MEIS2: variants seen among roughly 807,000 people sequenced by gnomAD.
MEIS2 encodes the protein homeobox protein Meis2.
In MEIS2, 9 loss-of-function variants were observed where a neutral mutation model predicts 58.6. That is an observed-to-expected ratio of 0.15 (90% confidence interval 0.09 to 0.27). The LOEUF (loss-of-function observed/expected upper bound fraction) is 0.27. Among genes scored for constraint, MEIS2 ranks in the 10% least tolerant of loss-of-function variants. MEIS2 has a pLI of 1.00. For synonymous variants in MEIS2, 221 were observed against 228.4 expected, an observed-to-expected ratio of 0.97 and a Z score of 0.29; for missense variants, 427 against 635.0, an observed-to-expected ratio of 0.67 and a Z score of 3.52.
chr15:37,065,907 G>A (rs1395411242), intron 7 of MEIS2, among the ~76,000 whole-genome samples: 1 of 152,152 alleles, frequency 6.6e-6, no homozygotes, highest in Non-Finnish European at 1.5e-5. Context: ...GATGCAAAGA[G>A]CAAATGCTAA....
At chr15:37,000,622 G>A (rs73393506) in intron 8 of MEIS2, among the ~76,000 whole-genome samples, 24,958 of 152,002 alleles carry the variant, frequency 0.16, 2,800 homozygotes, top group Admixed American at 0.35. Flanking sequence ...CAGAGAAAGA[G>A]CCATTCTTCC....
At chr15:37,015,313 G>A (rs1274648923) in intron 8 of MEIS2, among the ~76,000 whole-genome samples, 5 of 152,316 alleles carry the variant, frequency 3.3e-5, no homozygotes, top group African/African-American at 9.6e-5. Flanking sequence ...GTGATTATGC[G>A]GGTTGCTGGC....
intron 8 of MEIS2, among the ~76,000 whole-genome samples, chr15:36,995,706 TAAAAAAA>T (rs71821151): frequency 2.4e-4 from 1 of 4,120 alleles, no homozygotes; most frequent in East Asian, 7.0e-3. Context: ...TTACAGCTAC[TAAAAAAA>T]AAAAAAAAAA....
intron 8 of MEIS2, among the ~76,000 whole-genome samples, chr15:37,003,055 G>T (rs1451600351): frequency 6.6e-6 from 1 of 152,140 alleles, no homozygotes; most frequent in East Asian, 1.9e-4. Context: ...ACTGACCACA[G>T]CTGCAGGACA....
At chr15:36,963,379 CAAAA>C (rs60924393) in intron 8 of MEIS2, among the ~76,000 whole-genome samples, 6 of 121,912 alleles carry the variant, frequency 4.9e-5, no homozygotes, top group Non-Finnish European at 5.3e-5. Context: ...GACTCCATCT[CAAAA>C]AAAAAAAAAA....
chr15:36,945,240 T>C (rs972062721), intron 9 of MEIS2, among the ~76,000 whole-genome samples: 2 of 151,998 alleles, frequency 1.3e-5, no homozygotes, highest in Non-Finnish European at 2.9e-5. Context: ...CCTTCAAGTA[T>C]AAGCAGCAAA....
At chr15:37,073,668 T>C (rs1364807431) in intron 7 of MEIS2, among the ~76,000 whole-genome samples, 1 of 152,006 alleles carries the variant, frequency 6.6e-6, no homozygotes, top group African/African-American at 2.4e-5. Flanking sequence ...CAATAATCAA[T>C]GATTTATCAA....
At chr15:37,000,075 T>G (rs1026811766) in intron 8 of MEIS2, among the ~76,000 whole-genome samples, 1 of 152,168 alleles carries the variant, frequency 6.6e-6, no homozygotes, top group African/African-American at 2.4e-5. Context: ...GTTTAAAATA[T>G]CAGGAGAAAA....
chr15:36,976,328 C>A (rs770432806), intron 8 of MEIS2, among the ~76,000 whole-genome samples: 4 of 152,022 alleles, frequency 2.6e-5, no homozygotes, highest in African/African-American at 7.2e-5. Context: ...TTGTGATTCA[C>A]CCGCCTTGGC....
intron 7 of MEIS2, among the ~76,000 whole-genome samples, chr15:37,067,088 C>CTTTTT (rs542247552): frequency 7.7e-6 from 1 of 129,572 alleles, no homozygotes; most frequent in Non-Finnish European, 1.7e-5. Flanking sequence ...GCAACTAACT[C>CTTTTT]TTTTTTTTTT....
intron 6 of MEIS2, among the ~76,000 whole-genome samples, chr15:37,093,132 C>G (rs574566182): frequency 2.0e-5 from 3 of 152,308 alleles, no homozygotes; most frequent in African/African-American, 7.2e-5. Context: ...ATTGTCATCT[C>G]TGTGACATAC....
chr15:36,928,933 A>C (rs1186470422), intron 9 of MEIS2, among the ~76,000 whole-genome samples: 1 of 152,200 alleles, frequency 6.6e-6, no homozygotes, highest in Non-Finnish European at 1.5e-5. Context: ...TCAAAAAAAG[A>C]AAGAAGGGAA....
intron 7 of MEIS2, among the ~76,000 whole-genome samples, chr15:37,076,572 T>C (rs1200861106): frequency 6.6e-6 from 1 of 152,060 alleles, no homozygotes; most frequent in Admixed American, 6.6e-5. Context: ...CTGTATTTCT[T>C]ACCTACTGCT....
chr15:37,028,403 C>A (rs1044040991), intron 8 of MEIS2, among the ~76,000 whole-genome samples: 1 of 152,094 alleles, frequency 6.6e-6, no homozygotes, highest in Non-Finnish European at 1.5e-5. Flanking sequence ...ATTCAAAACA[C>A]CAAATTGGGA....
At chr15:36,975,484 T>TTTC (rs397723609) in intron 8 of MEIS2, among the ~76,000 whole-genome samples, 2 of 151,134 alleles carry the variant, frequency 1.3e-5, no homozygotes, top group Non-Finnish European at 3.0e-5. Context: ...TTTTTTTTTT[T>TTTC]CAGAGTTCCA....
chr15:37,019,645 T>C (rs1362085296), intron 8 of MEIS2, among the ~76,000 whole-genome samples: 1 of 152,168 alleles, frequency 6.6e-6, no homozygotes, highest in Non-Finnish European at 1.5e-5. Context: ...TGCACATGCA[T>C]ATGGCCCGTA....
At chr15:36,990,082 C>G (rs1332750222) in intron 8 of MEIS2, among the ~76,000 whole-genome samples, 1 of 152,062 alleles carries the variant, frequency 6.6e-6, no homozygotes, top group East Asian at 1.9e-4. Flanking sequence ...GTAGCTGGGA[C>G]TACAGGCGCC....
chr15:37,031,122 A>G (rs1186810963), intron 8 of MEIS2, among the ~76,000 whole-genome samples: 5 of 152,234 alleles, frequency 3.3e-5, no homozygotes, highest in African/African-American at 9.6e-5. Context: ...CACAGGGCTG[A>G]GTACTTTACA....
intron 8 of MEIS2, among the ~76,000 whole-genome samples, chr15:37,004,487 C>T (rs527584327): frequency 2.0e-5 from 3 of 152,318 alleles, no homozygotes; most frequent in Middle Eastern, 3.4e-3. Context: ...TGTCAGGAAA[C>T]GTCATAGACT....
Sources: allele counts gnomAD v4.1 joint callset (sites outside exome capture counted in the v4.1 genomes callset), GRCh38; gene constraint gnomAD v4.1.1; transcripts MANE v1.5; gene names NCBI Gene and HGNC (gene_info 2026-07-23, HGNC 2026-07-21).